NELL1: variants seen among roughly 807,000 people sequenced by gnomAD.
NELL1 encodes neural EGFL like 1.
Under a neutral mutation model 107.4 loss-of-function variants are expected in NELL1, and 76 were observed. That is an observed-to-expected ratio of 0.71 (90% CI 0.59 to 0.86). NELL1 has a LOEUF of 0.86. Ranked by LOEUF, NELL1 falls within the 40% of genes least tolerant of loss-of-function variation. The pLI is 0.00. For missense variants in NELL1, 1,024 were observed against 1,005.5 expected (o/e 1.02, Z -0.25); for synonymous variants, 353 against 341.2 (o/e 1.03, Z -0.38).
chr11:21,132,877 C>T (rs369173610), intron 13 of NELL1, among the ~76,000 whole-genome samples: 4 of 152,252 alleles, frequency 2.6e-5, no homozygotes, highest in Middle Eastern at 3.4e-3. Flanking sequence ...AATTTCTTGT[C>T]CCGCATCCAG....
chr11:21,383,145 C>A (rs1851650780), intron 15 of NELL1, among the ~76,000 whole-genome samples: 1 of 152,046 alleles, frequency 6.6e-6, no homozygotes, highest in African/African-American at 2.4e-5. Context: ...GTAGGACTGA[C>A]TGAATGATCA....
At chr11:20,864,531 AG>A (rs1779486416) in intron 4 of NELL1, among the ~76,000 whole-genome samples, 1 of 152,242 alleles carries the variant, frequency 6.6e-6, no homozygotes, top group South Asian at 2.1e-4. Flanking sequence ...AAGAGGGGAA[AG>A]AGTATGAGTG....
At chr11:21,073,768 C>T (rs536705657) in intron 12 of NELL1, among the ~76,000 whole-genome samples, 1 of 152,236 alleles carries the variant, frequency 6.6e-6, no homozygotes, top group South Asian at 2.1e-4. Context: ...CATTATTTTA[C>T]ATTTTAGTAA....
At position 20,765,942 on chromosome 11, in the gene NELL1, A is replaced by C. The variant is rs558335434; in HGVS notation, c.185-17738A>C. Among the ~76,000 whole-genome samples, 3 of 152,354 alleles carry C rather than the reference A, an allele frequency of 2.0e-5. No individual in the cohort carries two copies. In the East Asian group the frequency reaches 5.8e-4, roughly 29 times the overall value. On this transcript the variant is annotated intron_variant, in intron 2 of 19. Coordinates refer to ENST00000357134, the MANE Select transcript of NELL1 (RefSeq NM_006157.5). ...AGAACTTTTTTATTTTGCAAAACTG[A>C]AATGCTATATCCATTAAATAATAAC...
chr11:21,466,595 G>A (rs537921682), intron 15 of NELL1, among the ~76,000 whole-genome samples: 4 of 152,210 alleles, frequency 2.6e-5, no homozygotes, highest in African/African-American at 9.6e-5. Flanking sequence ...AATAGCAAAA[G>A]CTTTTATTTT....
intron 12 of NELL1, among the ~76,000 whole-genome samples, chr11:21,056,836 T>G (rs1853626552): frequency 6.6e-6 from 1 of 152,110 alleles, no homozygotes; most frequent in Non-Finnish European, 1.5e-5. Context: ...ATAAGGAAAC[T>G]GAAGCTCTGG....
At chr11:21,122,118 T>C (rs1199638732) in intron 13 of NELL1, among the ~76,000 whole-genome samples, 1 of 152,196 alleles carries the variant, frequency 6.6e-6, no homozygotes, top group East Asian at 1.9e-4. Flanking sequence ...CCTGAACCAC[T>C]TTGGCTGTTG....
At chr11:21,536,405 G>T (rs1856139787) in intron 16 of NELL1, among the ~76,000 whole-genome samples, 2 of 152,114 alleles carry the variant, frequency 1.3e-5, no homozygotes, top group South Asian at 2.1e-4. Context: ...TGTCCCTCTG[G>T]CTGGGATGAA....
intron 1 of NELL1, chr11:20,674,401 A>G: frequency 3.9e-6 from 4 of 1,023,514 alleles, no homozygotes; most frequent in Non-Finnish European, 5.8e-6. Flanking sequence ...AAGTGTGAAT[A>G]TAGTTTCCCC....
intron 13 of NELL1, among the ~76,000 whole-genome samples, chr11:21,179,695 A>C (rs1411071887): frequency 6.6e-6 from 1 of 151,858 alleles, no homozygotes; most frequent in East Asian, 1.9e-4. Flanking sequence ...CCACGTGACA[A>C]TACTGAGACT....
chr11:20,742,191 G>A (rs537884620), intron 2 of NELL1, among the ~76,000 whole-genome samples: 1 of 152,300 alleles, frequency 6.6e-6, no homozygotes, highest in South Asian at 2.1e-4. Flanking sequence ...GCATCAGCCA[G>A]GCTCTTGCTT....
chr11:20,681,422 C>G (rs1854187539), intron 2 of NELL1, among the ~76,000 whole-genome samples: 1 of 152,090 alleles, frequency 6.6e-6, no homozygotes, highest in African/African-American at 2.4e-5. Flanking sequence ...GGTATTCATT[C>G]AATAATATGT....
chr11:21,262,234 G>A (rs1239177208), intron 14 of NELL1, among the ~76,000 whole-genome samples: 4 of 151,710 alleles, frequency 2.6e-5, no homozygotes, highest in African/African-American at 9.7e-5. Context: ...CCACAGTTTG[G>A]TTGATTTCCA....
In NELL1 at chr11:21,076,183, C is replaced by A. The variant is rs926964846; in HGVS notation, c.1301-37406C>A. 3.3e-5 allele frequency among the ~76,000 whole-genome samples: 5 copies of A among 152,300 alleles called. No homozygotes were observed. In the South Asian group the frequency reaches 6.2e-4, roughly 19 times the overall value. On this transcript the variant is annotated intron_variant, in intron 12 of 19. Coordinates refer to ENST00000357134, the MANE Select transcript of NELL1 (RefSeq NM_006157.5). ...AAAAGGATTGGAAGCAGGCTCAACG[C>A]CTTCAGTGTTTAGGATGAATGAGAT...
intron 12 of NELL1, among the ~76,000 whole-genome samples, chr11:20,972,162 C>T (rs553509980): frequency 4.5e-4 from 68 of 151,810 alleles, no homozygotes; most frequent in African/African-American, 1.5e-3. Flanking sequence ...CCAACCTGCA[C>T]GACCTGTACA....
intron 5 of NELL1, among the ~76,000 whole-genome samples, chr11:20,906,685 A>G (rs902661934): frequency 1.3e-5 from 2 of 152,076 alleles, no homozygotes; most frequent in African/African-American, 4.8e-5. Flanking sequence ...ATGGTTTAAC[A>G]TAAGAAAAGT....
intron 3 of NELL1, among the ~76,000 whole-genome samples, chr11:20,817,569 T>C (rs1180865608): frequency 6.6e-6 from 1 of 152,076 alleles, no homozygotes; most frequent in Non-Finnish European, 1.5e-5. Flanking sequence ...CAATCTTCTT[T>C]ATCCTTTCAA....
chr11:20,860,338 T>C (rs1848956147), intron 4 of NELL1, among the ~76,000 whole-genome samples: 1 of 152,228 alleles, frequency 6.6e-6, no homozygotes, highest in Non-Finnish European at 1.5e-5. Flanking sequence ...ATCATAGAGC[T>C]GCCACCTAAT....
intron 2 of NELL1, among the ~76,000 whole-genome samples, chr11:20,686,746 GA>G (rs765764023): frequency 8.5e-5 from 13 of 152,128 alleles, no homozygotes; most frequent in Non-Finnish European, 1.3e-4. Flanking sequence ...CTTTCAGGTG[GA>G]ATTTACAAGG....
Sources: allele counts gnomAD v4.1 joint callset (sites outside exome capture counted in the v4.1 genomes callset), GRCh38; gene constraint gnomAD v4.1.1; transcripts MANE v1.5; gene names NCBI Gene and HGNC (gene_info 2026-07-23, HGNC 2026-07-21).